IMMP2L: variants seen among roughly 807,000 people sequenced by gnomAD.
IMMP2L encodes inner mitochondrial membrane peptidase subunit 2, also known as mitochondrial inner membrane protease subunit 2.
Under a neutral mutation model 19.3 loss-of-function variants are expected in IMMP2L, and 18 were observed. That is an observed-to-expected ratio of 0.93 (90% CI 0.64 to 1.38). The LOEUF (loss-of-function observed/expected upper bound fraction) is 1.38, where lower values mean the gene tolerates loss of function less well. Among genes scored for constraint, IMMP2L ranks in the 40% most tolerant of loss-of-function variants. The pLI is 0.00. For synonymous variants in IMMP2L, 76 were observed against 73.0 expected, an observed-to-expected ratio of 1.04 and a Z score of -0.21; for missense variants, 233 against 218.2, an observed-to-expected ratio of 1.07 and a Z score of -0.43.
chr7:111,465,241 A>G (rs1840522155), intron 3 of IMMP2L, among the ~76,000 whole-genome samples: 1 of 152,038 alleles, frequency 6.6e-6, no homozygotes, highest in Admixed American at 6.6e-5. Flanking sequence ...CTTACGACGT[A>G]TTTTTGATAA....
chr7:111,470,356 C>T (rs1328583687), intron 3 of IMMP2L, among the ~76,000 whole-genome samples: 1 of 151,722 alleles, frequency 6.6e-6, no homozygotes, highest in Non-Finnish European at 1.5e-5. Context: ...ACCATTTGAC[C>T]CAGCAATCCC....
chr7:111,414,399 G>A (rs1028273390), intron 3 of IMMP2L, among the ~76,000 whole-genome samples: 2 of 151,908 alleles, frequency 1.3e-5, no homozygotes, highest in African/African-American at 2.4e-5. Flanking sequence ...CCAGCATACT[G>A]CTGAAAGAAG....
intron 4 of IMMP2L, among the ~76,000 whole-genome samples, chr7:110,936,791 A>G (rs1816160261): frequency 1.3e-5 from 2 of 152,196 alleles, no homozygotes; most frequent in South Asian, 4.1e-4. Context: ...AAAGGCTTGG[A>G]ACCAACCCAA....
At chr7:111,163,402 C>T (rs983963478) in intron 3 of IMMP2L, among the ~76,000 whole-genome samples, 2 of 152,092 alleles carry the variant, frequency 1.3e-5, no homozygotes, top group African/African-American at 4.8e-5. Context: ...ACTCACTTCC[C>T]TACTGCAACT....
chr7:111,287,353 A>T (rs1005786257), intron 3 of IMMP2L, among the ~76,000 whole-genome samples: 1 of 152,284 alleles, frequency 6.6e-6, no homozygotes, highest in African/African-American at 2.4e-5. Flanking sequence ...CAATCAGGAA[A>T]ACATCTGCAA....
At chr7:111,449,224 T>C (rs1322466135) in intron 3 of IMMP2L, among the ~76,000 whole-genome samples, 5 of 144,154 alleles carry the variant, frequency 3.5e-5, no homozygotes, top group East Asian at 2.1e-4. Context: ...CCAGCATCAT[T>C]CTGATACCAA....
intron 3 of IMMP2L, among the ~76,000 whole-genome samples, chr7:111,125,734 G>C (rs1456302270): frequency 1.3e-5 from 2 of 151,242 alleles, no homozygotes; most frequent in Non-Finnish European, 2.9e-5. Context: ...TAAATTATTA[G>C]GTTGAGATAA....
In IMMP2L at chr7:110,927,426, G is replaced by T. The variant is rs537826141; in HGVS notation, c.305+36074C>A. On this transcript the variant is annotated intron_variant, in intron 4 of 5. Coordinates refer to ENST00000405709, the MANE Select transcript of IMMP2L (RefSeq NM_032549.4). The stretch of plus-strand genomic sequence containing the variant: ...GCAAAGGGAAATTAGGGTTGGAGAT[G>T]GAATTAAGTTCACTAATTAGCTGCC... Among the ~76,000 whole-genome samples, 20 of 152,216 alleles carry T rather than the reference G, an allele frequency of 1.3e-4. No homozygotes were observed. In the South Asian group the frequency reaches 3.7e-3, roughly 28 times the overall value.
intron 3 of IMMP2L, among the ~76,000 whole-genome samples, chr7:111,063,596 G>A (rs1378495741): frequency 6.6e-6 from 1 of 152,122 alleles, no homozygotes; most frequent in Non-Finnish European, 1.5e-5. Flanking sequence ...TTTATGCTCT[G>A]CTCCCCTTAC....
intron 5 of IMMP2L, among the ~76,000 whole-genome samples, chr7:110,867,892 T>C (rs1329561968): frequency 1.3e-5 from 2 of 152,064 alleles, no homozygotes; most frequent in Admixed American, 1.3e-4. Flanking sequence ...TGGAGGTTTC[T>C]GATGCTGACA....
chr7:110,934,601 A>G (rs1186085958), intron 4 of IMMP2L, among the ~76,000 whole-genome samples: 1 of 152,194 alleles, frequency 6.6e-6, no homozygotes, highest in African/African-American at 2.4e-5. Context: ...CTTTAACACT[A>G]AAGTCTTCTA....
At chr7:110,882,280 G>A (rs1164713365) in intron 5 of IMMP2L, among the ~76,000 whole-genome samples, 1 of 137,652 alleles carries the variant, frequency 7.3e-6, no homozygotes, top group Non-Finnish European at 1.5e-5. Context: ...TCCTCTCTTT[G>A]TCAAGTGCCT....
At chr7:110,971,312 A>C (rs1820121406) in intron 3 of IMMP2L, among the ~76,000 whole-genome samples, 1 of 152,156 alleles carries the variant, frequency 6.6e-6, no homozygotes, top group Non-Finnish European at 1.5e-5. Context: ...GCATAAGGCT[A>C]GTCTTGAGCA....
At chr7:111,468,354 C>T (rs143997634) in intron 3 of IMMP2L, among the ~76,000 whole-genome samples, 214 of 152,184 alleles carry the variant, frequency 1.4e-3, no homozygotes, top group Non-Finnish European at 2.3e-3. Flanking sequence ...TGCTTATTAA[C>T]CTAATTATGG....
chr7:110,743,504 GGTCTTAGCAACAGCTCTA>G (rs979338080), intron 5 of IMMP2L, among the ~76,000 whole-genome samples: 5 of 152,244 alleles, frequency 3.3e-5, no homozygotes, highest in East Asian at 3.9e-4. Flanking sequence ...CAACAGCTCT[GGTCTTAGCAACAGCTCTA>G]GTCTGTAGTT....
At chr7:111,063,246 T>C (rs912881744) in intron 3 of IMMP2L, among the ~76,000 whole-genome samples, 6 of 152,238 alleles carry the variant, frequency 3.9e-5, no homozygotes, top group African/African-American at 1.4e-4. Flanking sequence ...GGTTTGGTGC[T>C]TGTGCCCTCT....
intron 3 of IMMP2L, among the ~76,000 whole-genome samples, chr7:111,346,277 G>A (rs1209817027): frequency 6.6e-6 from 1 of 152,080 alleles, no homozygotes; most frequent in Admixed American, 6.6e-5. Flanking sequence ...GAGTAACAAA[G>A]TCAGGAATTG....
At chr7:111,054,552 A>G (rs1284354719) in intron 3 of IMMP2L, among the ~76,000 whole-genome samples, 1 of 152,228 alleles carries the variant, frequency 6.6e-6, no homozygotes, top group Non-Finnish European at 1.5e-5. Flanking sequence ...CCCTGCAGAC[A>G]TCCATGAGGT....
At chr7:111,282,586 GA>G (rs201885915) in intron 3 of IMMP2L, among the ~76,000 whole-genome samples, 1 of 151,762 alleles carries the variant, frequency 6.6e-6, no homozygotes, top group African/African-American at 2.4e-5. Context: ...CTCTTTTTTT[GA>G]TTTTTTTTTT....
Sources: gnomAD v4.1 joint callset for allele counts (sites outside exome capture counted in the v4.1 genomes callset) on GRCh38, gnomAD v4.1.1 for gene constraint, MANE v1.5 for transcripts, NCBI Gene and HGNC (gene_info 2026-07-23, HGNC 2026-07-21) for gene names.